FHIT: variants seen among roughly 807,000 people sequenced by gnomAD.
FHIT encodes the protein bis(5'-adenosyl)-triphosphatase.
FHIT carries 19 observed loss-of-function variants against 17.9 expected under a neutral mutation model. The ratio of observed to expected loss-of-function variants is 1.06; its 90% CI spans 0.74 to 1.56. The LOEUF (loss-of-function observed/expected upper bound fraction) is 1.56, where lower values mean the gene tolerates loss of function less well. FHIT is among the 40% of genes most tolerant of loss of function. The pLI, the probability that FHIT is intolerant of heterozygous loss-of-function variation, is 0.00. For synonymous variants in FHIT, 81 were observed against 69.7 expected (o/e 1.16, Z -0.81); for missense variants, 248 against 189.2 (o/e 1.31, Z -1.82).
At chr3:60,305,357 G>A (rs1291861224) in intron 5 of FHIT, among the ~76,000 whole-genome samples, 1 of 152,006 alleles carries the variant, frequency 6.6e-6, no homozygotes, top group Non-Finnish European at 1.5e-5. Flanking sequence ...ATAGGTGTAG[G>A]GTGAGGCCAA....
intron 8 of FHIT, among the ~76,000 whole-genome samples, chr3:59,802,734 G>A (rs1365763051): frequency 2.0e-5 from 3 of 152,264 alleles, no homozygotes; most frequent in Middle Eastern, 3.4e-3. Context: ...ACATGGACAC[G>A]CGTGACAATT....
chr3:59,802,595 C>T (rs1035589988), intron 8 of FHIT, among the ~76,000 whole-genome samples: 1 of 152,156 alleles, frequency 6.6e-6, no homozygotes, highest in African/African-American at 2.4e-5. Context: ...CATTACCCAC[C>T]CAAATCCTGT....
At chr3:60,207,457 T>G (rs1301088667) in intron 5 of FHIT, among the ~76,000 whole-genome samples, 1 of 152,136 alleles carries the variant, frequency 6.6e-6, no homozygotes, top group Non-Finnish European at 1.5e-5. Flanking sequence ...CTGTATTTTT[T>G]TTCCAAACCT....
chr3:60,315,959 C>T (rs1031786193), intron 5 of FHIT, among the ~76,000 whole-genome samples: 1 of 152,140 alleles, frequency 6.6e-6, no homozygotes, highest in Admixed American at 6.5e-5. Context: ...AATCATGCTG[C>T]ATTAAATTAA....
chr3:59,835,132 C>T (rs553486081), intron 8 of FHIT, among the ~76,000 whole-genome samples: 15 of 152,190 alleles, frequency 9.9e-5, no homozygotes, highest in Non-Finnish European at 1.5e-4. Context: ...CTCAACACAT[C>T]GATTATATGG....
intron 5 of FHIT, among the ~76,000 whole-genome samples, chr3:60,223,842 C>G (rs1704068812): frequency 6.6e-6 from 1 of 152,096 alleles, no homozygotes; most frequent in African/African-American, 2.4e-5. Context: ...CACAGTCACT[C>G]CATGGCTGAC....
intron 4 of FHIT, among the ~76,000 whole-genome samples, chr3:60,702,371 T>A (rs1401316740): frequency 1.3e-5 from 2 of 152,146 alleles, no homozygotes; most frequent in Non-Finnish European, 2.9e-5. Context: ...TTTATAGGAA[T>A]GAATGACATT....
rs1559644017 is a variant in FHIT at position 60,114,001 on chromosome 3, C to CAAAAAAAAAAAA, written c.104-99850_104-99849insTTTTTTTTTTTT. Among the ~76,000 whole-genome samples, 4 of 17,920 alleles carry CAAAAAAAAAAAA rather than the reference C, an allele frequency of 2.2e-4. 2 individuals carry two copies. Among genetic ancestry groups the CAAAAAAAAAAAA allele is most frequent in the African/African-American group, 9.2e-4 (2 of 2,164 alleles). 11.8% of individuals were successfully genotyped at this position (17,920 alleles called of 152,430 possible). A position where few individuals can be genotyped will look rare whatever the true frequency, so the allele number is the denominator to read the frequency against. ...TGGGCAATAGAACAAGACCCCGTCT[C>CAAAAAAAAAAAA]CAAAAAAAAAAAAAAAAAAAAAAAA... On this transcript the variant is annotated intron_variant, in intron 5 of 9. Coordinates refer to ENST00000492590, the MANE Select transcript of FHIT (RefSeq NM_002012.4).
At chr3:60,170,864 C>A (rs2107401997) in intron 5 of FHIT, among the ~76,000 whole-genome samples, 1 of 152,174 alleles carries the variant, frequency 6.6e-6, no homozygotes, top group Non-Finnish European at 1.5e-5. Flanking sequence ...CTCCCACAAA[C>A]AGGAAGACCA....
chr3:61,015,780 G>A (rs1175197289), intron 3 of FHIT, among the ~76,000 whole-genome samples: 3 of 152,038 alleles, frequency 2.0e-5, no homozygotes, highest in African/African-American at 7.2e-5. Context: ...GTTTAGCATC[G>A]TGATGGTAGG....
At chr3:60,208,382 T>C (rs1322771486) in intron 5 of FHIT, among the ~76,000 whole-genome samples, 1 of 152,174 alleles carries the variant, frequency 6.6e-6, no homozygotes, top group African/African-American at 2.4e-5. Context: ...TCCCCCCAAA[T>C]TGTAAATTCA....
intron 8 of FHIT, among the ~76,000 whole-genome samples, chr3:59,858,072 G>A (rs906132030): frequency 3.3e-5 from 5 of 152,070 alleles, no homozygotes; most frequent in Non-Finnish European, 5.9e-5. Context: ...CAGCCTTGGA[G>A]ACAAGTAAGT....
At chr3:60,436,757 G>C (rs938360130) in intron 5 of FHIT, among the ~76,000 whole-genome samples, 1 of 152,062 alleles carries the variant, frequency 6.6e-6, no homozygotes, top group Non-Finnish European at 1.5e-5. Flanking sequence ...TGAGCCAAAA[G>C]AGGTTTCTTT....
intron 7 of FHIT, among the ~76,000 whole-genome samples, chr3:59,929,952 A>G (rs1705885422): frequency 6.6e-6 from 1 of 152,058 alleles, no homozygotes; most frequent in South Asian, 2.1e-4. Context: ...TGATCCCTGG[A>G]AACACGAGTA....
intron 4 of FHIT, among the ~76,000 whole-genome samples, chr3:60,810,159 G>A (rs1202387840): frequency 1.2e-4 from 18 of 152,124 alleles, no homozygotes; most frequent in Admixed American, 1.1e-3. Flanking sequence ...AACAGTTATG[G>A]CACAAGAAAA....
At chr3:61,113,017 T>C (rs2036205121) in intron 2 of FHIT, among the ~76,000 whole-genome samples, 1 of 152,114 alleles carries the variant, frequency 6.6e-6, no homozygotes. Context: ...TTTGTTTGTT[T>C]GTTTGAGACA....
intron 4 of FHIT, among the ~76,000 whole-genome samples, chr3:60,544,940 G>C (rs2036312516): frequency 6.6e-6 from 1 of 152,020 alleles, no homozygotes; most frequent in South Asian, 2.1e-4. Flanking sequence ...TAATAGTTTG[G>C]TTTTTCTTTT....
chr3:60,473,657 G>T (rs1310876229), intron 5 of FHIT, among the ~76,000 whole-genome samples: 1 of 152,140 alleles, frequency 6.6e-6, no homozygotes, highest in Non-Finnish European at 1.5e-5. Flanking sequence ...AGTGGCTCAC[G>T]CCTGTAATCC....
intron 5 of FHIT, among the ~76,000 whole-genome samples, chr3:60,115,696 T>A (rs1704925679): frequency 6.6e-6 from 1 of 152,154 alleles, no homozygotes; most frequent in Non-Finnish European, 1.5e-5. Context: ...GAGAACAAAT[T>A]CTGATACACA....
Sources: gnomAD v4.1 joint callset for allele counts (sites outside exome capture counted in the v4.1 genomes callset) on GRCh38, gnomAD v4.1.1 for gene constraint, MANE v1.5 for transcripts, NCBI Gene and HGNC (gene_info 2026-07-23, HGNC 2026-07-21) for gene names.